The following DAB1 variants were observed in gnomAD, a reference collection of about 807,000 sequenced individuals.
The protein encoded by DAB1 is DAB adaptor protein 1, also known as disabled homolog 1.
In DAB1, 15 loss-of-function variants were observed where a neutral mutation model predicts 64.6. The observed-to-expected ratio is 0.23, with a 90% CI of 0.16 to 0.36. DAB1 has a LOEUF of 0.36. Among genes scored for constraint, DAB1 ranks in the 10% least tolerant of loss-of-function variants. The probability of loss-of-function intolerance (pLI) is 1.00; values close to 1 mark genes in which losing one functional copy is unlikely to be tolerated. For synonymous variants in DAB1, 235 were observed against 251.9 expected, an observed-to-expected ratio of 0.93 and a Z score of 0.64; for missense variants, 596 against 706.7, an observed-to-expected ratio of 0.84 and a Z score of 1.78.
chr1:58,272,689 C>A (rs1383020668), intron 4 of DAB1, among the ~76,000 whole-genome samples: 1 of 149,960 alleles, frequency 6.7e-6, no homozygotes, highest in African/African-American at 2.5e-5. Flanking sequence ...TCACGACTTG[C>A]TTTATGAATC....
rs553622981 is a variant in DAB1, at chr1:57,635,674, C to T, written n.625+13918G>A. On this transcript the variant is annotated intron_variant and non_coding_transcript_variant, in intron 7 of 20. Transcript: ENST00000485760. ...GTAATAATAATATAAATAAATTACA[C>T]AATAATTGTAATGCACTTGAATCAT... Among the ~76,000 whole-genome samples the T allele has an allele frequency of 7.2e-5, 11 of 152,192 alleles. No homozygotes were observed. In the South Asian group the frequency reaches 2.1e-3, roughly 29 times the overall value.
intron 4 of DAB1, among the ~76,000 whole-genome samples, chr1:58,290,837 A>G (rs865802687): frequency 5.3e-5 from 8 of 152,290 alleles, no homozygotes; most frequent in Middle Eastern, 6.8e-3. Context: ...CTGCCACTGC[A>G]GAGTTAGAAC....
At chr1:58,388,117 T>C (rs1644448431) in intron 3 of DAB1, among the ~76,000 whole-genome samples, 1 of 152,152 alleles carries the variant, frequency 6.6e-6, no homozygotes, top group African/African-American at 2.4e-5. Context: ...TCCTGGTGCT[T>C]CAGGAAGGTA....
chr1:57,374,725 A>G (rs1180118899), intron 1 of DAB1, among the ~76,000 whole-genome samples: 2 of 152,150 alleles, frequency 1.3e-5, no homozygotes, highest in Non-Finnish European at 2.9e-5. Context: ...CACTACAATC[A>G]TTTAGAAATC....
At chr1:57,620,575 A>C (rs768568712) in intron 7 of DAB1, among the ~76,000 whole-genome samples, 47 of 152,176 alleles carry the variant, frequency 3.1e-4, no homozygotes, top group Non-Finnish European at 2.9e-4. Flanking sequence ...GTGAGAGTGA[A>C]GGGAAGGGGT....
chr1:58,423,457 G>A (rs1283851773), intron 3 of DAB1, among the ~76,000 whole-genome samples: 5 of 152,166 alleles, frequency 3.3e-5, no homozygotes. Flanking sequence ...GGTAGACTTA[G>A]GCTTTTCTCC....
intron 6 of DAB1, among the ~76,000 whole-genome samples, chr1:57,695,372 GAAAGAAAGAAAGAAAGAAAGA>G (rs1299029112): frequency 2.4e-3 from 132 of 54,150 alleles, no homozygotes; most frequent in Middle Eastern, 7.8e-3. Context: ...AAGAAAGAAA[GAAAGAAAGAAAGAAAGAAAGA>G]AAGAAAGAAA....
chr1:57,459,000 G>A (rs987323808), intron 7 of DAB1, among the ~76,000 whole-genome samples: 3 of 152,010 alleles, frequency 2.0e-5, no homozygotes, highest in South Asian at 2.1e-4. Flanking sequence ...AGAAACATGT[G>A]AGTCAAAAAG....
At chr1:57,594,615 C>A (rs981092458) in intron 7 of DAB1, among the ~76,000 whole-genome samples, 8 of 152,216 alleles carry the variant, frequency 5.3e-5, no homozygotes, top group African/African-American at 1.9e-4. Context: ...AAGCTCAATG[C>A]TATTTACCCA....
At chr1:57,004,345 T>C (rs1273311086) in intron 14 of DAB1, among the ~76,000 whole-genome samples, 1 of 152,232 alleles carries the variant, frequency 6.6e-6, no homozygotes, top group Non-Finnish European at 1.5e-5. Context: ...ATATTTCTTG[T>C]ATTTGTTTTT....
At chr1:57,905,721 A>T (rs1448525023) in intron 5 of DAB1, among the ~76,000 whole-genome samples, 1 of 152,142 alleles carries the variant, frequency 6.6e-6, no homozygotes, top group Non-Finnish European at 1.5e-5. Flanking sequence ...AAGATTCAGT[A>T]TTAACACTGG....
chr1:58,013,382 C>T lies in DAB1; in HGVS notation n.388-129220G>A, dbSNP rs530983687. Among the ~76,000 whole-genome samples the T allele has an allele frequency of 7.2e-5, 11 of 152,280 alleles. 1 individual carries two copies. Among genetic ancestry groups the T allele is most frequent in the African/African-American group, 2.6e-4 (11 of 41,554 alleles). ...TCAGGTACAGAGACAGCAAGGAAGG[C>T]CTCTCTGACCATTGTGTGATGCAGG... On this transcript the variant is annotated intron_variant and non_coding_transcript_variant, in intron 5 of 20. Transcript: ENST00000485760.
chr1:58,408,528 G>T (rs542287345), intron 3 of DAB1, among the ~76,000 whole-genome samples: 1 of 152,338 alleles, frequency 6.6e-6, no homozygotes, highest in African/African-American at 2.4e-5. Context: ...CCAGGGCAGT[G>T]TCTGTCAAAA....
At chr1:57,920,129 G>C (rs536259796) in intron 5 of DAB1, among the ~76,000 whole-genome samples, 1 of 152,274 alleles carries the variant, frequency 6.6e-6, no homozygotes, top group South Asian at 2.1e-4. Flanking sequence ...AGGTGAGCTA[G>C]CTTAAGTTTG....
At chr1:57,765,925 C>T (rs1023107386) in intron 6 of DAB1, among the ~76,000 whole-genome samples, 1 of 152,140 alleles carries the variant, frequency 6.6e-6, no homozygotes, top group Non-Finnish European at 1.5e-5. Context: ...GCCACTATGC[C>T]CGGCCAGTAC....
At chr1:57,267,752 T>C (rs1034761890) in intron 2 of DAB1, among the ~76,000 whole-genome samples, 2 of 152,146 alleles carry the variant, frequency 1.3e-5, no homozygotes, top group South Asian at 2.1e-4. Flanking sequence ...TTTACTCTTA[T>C]GGTATTGGAT....
chr1:57,636,257 C>T (rs968543825), intron 7 of DAB1, among the ~76,000 whole-genome samples: 4 of 152,096 alleles, frequency 2.6e-5, no homozygotes, highest in African/African-American at 9.7e-5. Flanking sequence ...AGAGAGGTCT[C>T]ACCAGAAACC....
chr1:57,647,160 G>T (rs955902208), intron 7 of DAB1, among the ~76,000 whole-genome samples: 1 of 152,180 alleles, frequency 6.6e-6, no homozygotes, highest in Non-Finnish European at 1.5e-5. Flanking sequence ...AAGCCTGGAA[G>T]TCCTTCCTTG....
intron 14 of DAB1, among the ~76,000 whole-genome samples, chr1:57,001,050 A>AC (rs997154677): frequency 6.6e-6 from 1 of 152,084 alleles, no homozygotes; most frequent in Admixed American, 6.6e-5. Flanking sequence ...GGTGTGGAAA[A>AC]CCCCCAGCAG....
Sources: allele counts gnomAD v4.1 joint callset (sites outside exome capture counted in the v4.1 genomes callset), GRCh38; gene constraint gnomAD v4.1.1; transcripts MANE v1.5; gene names NCBI Gene and HGNC (gene_info 2026-07-23, HGNC 2026-07-21).